MTUS2: variants seen among roughly 807,000 people sequenced by gnomAD.
MTUS2 encodes microtubule-associated tumor suppressor candidate 2.
MTUS2 carries 40 observed loss-of-function variants against 114.1 expected under a neutral mutation model. That is an observed-to-expected ratio of 0.35 (90% CI 0.27 to 0.46). MTUS2 has a LOEUF of 0.46. Ranked by LOEUF, MTUS2 falls within the 20% of genes least tolerant of loss-of-function variation. The pLI is 1.00. For missense variants in MTUS2, 1,679 were observed against 1,705.4 expected (o/e 0.98, Z 0.27); for synonymous variants, 688 against 672.0 (o/e 1.02, Z -0.37).
intron 5 of MTUS2, among the ~76,000 whole-genome samples, chr13:29,137,990 G>A (rs1387327342): frequency 6.6e-6 from 1 of 152,134 alleles, no homozygotes; most frequent in African/African-American, 2.4e-5. Flanking sequence ...GCAGGAGGGG[G>A]AACAACATAG....
In MTUS2 at chr13:29,242,281, A is replaced by C. The variant is rs77408743; in HGVS notation, c.2645-39423A>C. 2.0e-4 allele frequency among the ~76,000 whole-genome samples: 31 copies of C among 152,186 alleles called. No individual in the cohort carries two copies. In the East Asian group the frequency reaches 5.4e-3, roughly 27 times the overall value. ...CCCAGCTAGTAATCTACTGTCTATC[A>C]ATTTGCCTTTTCTAGGAATTTCATC... On this transcript the variant is annotated intron_variant, in intron 5 of 15. Coordinates refer to ENST00000612955, the MANE Select transcript of MTUS2 (RefSeq NM_001033602.4).
rs577405076 is a variant in MTUS2 at position 28,834,557 on chromosome 13, G to A, written c.-315-5221G>A. On this transcript the variant is annotated intron_variant, in intron 1 of 15. Coordinates refer to ENST00000612955, the MANE Select transcript of MTUS2 (RefSeq NM_001033602.4). ...CTCAAAATGGATTATTGACTTAAATGTAAAATATAAAACAATAAGTCTCAG... is the reference window on the plus strand; with the variant it reads ...CTCAAAATGGATTATTGACTTAAATATAAAATATAAAACAATAAGTCTCAG... Among the ~76,000 whole-genome samples, 3 of 152,182 alleles carry A rather than the reference G, an allele frequency of 2.0e-5. 1 individual carries two copies. In the East Asian group the frequency reaches 5.8e-4, roughly 29 times the overall value.
intron 8 of MTUS2, among the ~76,000 whole-genome samples, chr13:29,416,613 C>T (rs908003584): frequency 3.3e-5 from 5 of 152,238 alleles, no homozygotes; most frequent in Admixed American, 1.3e-4. Context: ...AGAAAAAACT[C>T]ACAGTTTCAA....
At chr13:29,151,752 G>A (rs151338843) in intron 5 of MTUS2, among the ~76,000 whole-genome samples, 1,765 of 152,062 alleles carry the variant, frequency 0.012, 22 homozygotes, top group South Asian at 0.023. Flanking sequence ...AAGGAATTTT[G>A]GATTTTATCA....
intron 7 of MTUS2, 71 bp downstream of exon 7, chr13:29,324,782 T>A: frequency 8.4e-7 from 1 of 1,194,230 alleles, no homozygotes; most frequent in Non-Finnish European, 1.2e-6. Flanking sequence ...TCAGATGTCA[T>A]TAATGGAGCA....
chr13:28,995,527 C>T (rs1885060396), intron 2 of MTUS2, among the ~76,000 whole-genome samples: 1 of 152,110 alleles, frequency 6.6e-6, no homozygotes, highest in Admixed American at 6.5e-5. Flanking sequence ...TCTTCCTACC[C>T]ATGAGCATGG....
intron 2 of MTUS2, among the ~76,000 whole-genome samples, chr13:28,973,891 C>T (rs920542855): frequency 1.3e-5 from 2 of 152,192 alleles, no homozygotes; most frequent in Non-Finnish European, 2.9e-5. Context: ...GTGCTCTCTG[C>T]TGTCGGGTAT....
rs141286179 is a variant in MTUS2 at position 28,956,863 on chromosome 13, G to A, written c.-242-67594G>A. ...GGGAAGAAGGCTGCCCTAGAGATGGGTGAGCTGGTGGAAAGAAAGTGTGAT... is the reference window on the plus strand; with the variant it reads ...GGGAAGAAGGCTGCCCTAGAGATGGATGAGCTGGTGGAAAGAAAGTGTGAT... On this transcript the variant is annotated intron_variant, in intron 2 of 15. Coordinates refer to ENST00000612955, the MANE Select transcript of MTUS2 (RefSeq NM_001033602.4). Among the ~76,000 whole-genome samples, 311 of 149,852 alleles carry A rather than the reference G, an allele frequency of 2.1e-3. 3 individuals carry two copies. The highest frequency in any genetic ancestry group is 7.2e-3 in the African/African-American group (294 of 40,618).
intron 4 of MTUS2, among the ~76,000 whole-genome samples, chr13:29,057,167 T>C (rs1888173245): frequency 6.6e-6 from 1 of 152,124 alleles, no homozygotes; most frequent in African/African-American, 2.4e-5. Flanking sequence ...AGAGTGTGTT[T>C]GTTATGATTT....
In MTUS2 at chr13:28,876,615, C is replaced by A. The variant is rs146882150; in HGVS notation, c.-243+36765C>A. Among the ~76,000 whole-genome samples, 707 of 152,260 alleles carry A rather than the reference C, an allele frequency of 4.6e-3. 4 individuals carry two copies. Among genetic ancestry groups the A allele is most frequent in the African/African-American group, 0.016 (668 of 41,536 alleles). On this transcript the variant is annotated intron_variant, in intron 2 of 15. Transcript: ENST00000612955. ...CAAAAGTGTCCATGAAAGTTATCAC[C>A]CTCTTTGTGGGTCTTTGGCCTAGGT...
chr13:29,386,210 A>G (rs947031812), intron 8 of MTUS2, among the ~76,000 whole-genome samples: 1 of 152,234 alleles, frequency 6.6e-6, no homozygotes, highest in African/African-American at 2.4e-5. Context: ...ACTAAGGTAG[A>G]CTTTATTCAG....
intron 2 of MTUS2, among the ~76,000 whole-genome samples, chr13:28,970,749 C>T (rs552683947): frequency 6.6e-6 from 1 of 152,320 alleles, no homozygotes; most frequent in African/African-American, 2.4e-5. Flanking sequence ...CCCCCTCCAT[C>T]GTGGCAGCAG....
At chr13:28,918,926 C>T (rs1332763148) in intron 2 of MTUS2, among the ~76,000 whole-genome samples, 1 of 152,046 alleles carries the variant, frequency 6.6e-6, no homozygotes, top group Admixed American at 6.6e-5. Context: ...ACACTGATTG[C>T]ATAAACAAAC....
At chr13:29,161,564 G>A (rs1329673057) in intron 5 of MTUS2, among the ~76,000 whole-genome samples, 2 of 152,110 alleles carry the variant, frequency 1.3e-5, no homozygotes, top group Admixed American at 6.5e-5. Flanking sequence ...TTAATAACTT[G>A]CTCCCCGCAA....
At chr13:29,006,691 T>G (rs187283134) in intron 2 of MTUS2, among the ~76,000 whole-genome samples, 2 of 152,334 alleles carry the variant, frequency 1.3e-5, no homozygotes, top group East Asian at 3.9e-4. Context: ...TTTGTTTGTT[T>G]GTTTTTGTAT....
At chr13:29,269,761 C>G (rs1046031446) in intron 5 of MTUS2, among the ~76,000 whole-genome samples, 6 of 152,164 alleles carry the variant, frequency 3.9e-5, no homozygotes, top group Non-Finnish European at 8.8e-5. Context: ...TTTACACTCT[C>G]ATGTTCATTG....
chr13:28,933,143 AC>A (rs1566233034), intron 2 of MTUS2, among the ~76,000 whole-genome samples: 18 of 150,714 alleles, frequency 1.2e-4, no homozygotes, highest in Non-Finnish European at 2.4e-4. Flanking sequence ...ACACACACAC[AC>A]ACACACACAC....
At chr13:29,439,917 A>T in intron 8 of MTUS2, 66 bp from the exon 9 acceptor site, 3 of 1,187,394 alleles carry the variant, frequency 2.5e-6, no homozygotes, top group Non-Finnish European at 3.7e-6. Context: ...TCATTAATTA[A>T]TCATGTGAAA....
chr13:29,286,751 C>A (rs1033829037), intron 6 of MTUS2, among the ~76,000 whole-genome samples: 6 of 151,108 alleles, frequency 4.0e-5, no homozygotes, highest in African/African-American at 1.5e-4. Flanking sequence ...AGTGCAGTGG[C>A]ACGACCTCAG....
Sources: allele counts gnomAD v4.1 joint callset (sites outside exome capture counted in the v4.1 genomes callset), GRCh38; gene constraint gnomAD v4.1.1; transcripts MANE v1.5; gene names NCBI Gene and HGNC (gene_info 2026-07-23, HGNC 2026-07-21).